TACC2: variants seen among roughly 807,000 people sequenced by gnomAD.
TACC2 encodes transforming acidic coiled-coil-containing protein 2.
In TACC2, 137 loss-of-function variants were observed where a neutral mutation model predicts 227.3. The ratio of observed to expected loss-of-function variants is 0.60; its 90% CI spans 0.52 to 0.69. TACC2 has a LOEUF of 0.69. Among genes scored for constraint, TACC2 ranks in the 30% least tolerant of loss-of-function variants. The pLI is 0.00. For missense variants in TACC2, 3,470 were observed against 3,694.4 expected (o/e 0.94, Z 1.57); for synonymous variants, 1,523 against 1,487.5 (o/e 1.02, Z -0.55).
chr10:122,230,220 G>A, intron 15 of TACC2, 131 bp from the exon 16 acceptor site: 1 of 738,402 alleles, frequency 1.4e-6, no homozygotes, highest in South Asian at 1.5e-5. Context: ...TGAGAGAAAG[G>A]CGGAGCGCGT....
At chr10:122,225,369 C>T (rs1483651457) in intron 12 of TACC2, among the ~76,000 whole-genome samples, 2 of 152,330 alleles carry the variant, frequency 1.3e-5, no homozygotes, top group African/African-American at 4.8e-5. Context: ...TCTTTCTTTG[C>T]ATTAGTCATA....
intron 7 of TACC2, among the ~76,000 whole-genome samples, chr10:122,147,225 A>G (rs374684409): frequency 6.6e-6 from 1 of 151,122 alleles, no homozygotes; most frequent in African/African-American, 2.4e-5. Flanking sequence ...ACTCACTGCA[A>G]CCTCCACCCC....
chr10:122,251,250 A>AC (rs2096249034), intron 22 of TACC2, among the ~76,000 whole-genome samples: 1 of 152,178 alleles, frequency 6.6e-6, no homozygotes, highest in African/African-American at 2.4e-5. Context: ...GATGAAAAAG[A>AC]CAGATGGCTA....
chr10:122,180,205 T>C lies in TACC2; in HGVS notation c.5835-14835T>C, dbSNP rs569002057. 1.2e-4 allele frequency among the ~76,000 whole-genome samples: 18 copies of C among 152,268 alleles called. No homozygotes were observed. The highest frequency in any genetic ancestry group is 4.1e-4 in the African/African-American group (17 of 41,552). Reference sequence around the variant, plus strand: ...GCTTCTTGGGTCTCCTGGCAAACTTTCTCCTCGTTGCCTGCTTTGTTTTCT... The same window carrying C: ...GCTTCTTGGGTCTCCTGGCAAACTTCCTCCTCGTTGCCTGCTTTGTTTTCT... On this transcript the variant is annotated intron_variant, in intron 7 of 22. Transcript: ENST00000369005. The surrounding 1 kb of genome is among the most constrained non-coding windows in gnomAD (Gnocchi z 4.5).
chr10:122,044,572 A>G lies in TACC2; in HGVS notation c.34-5866A>G, dbSNP rs60145321. On this transcript the variant is annotated intron_variant, in intron 2 of 22. Coordinates refer to ENST00000369005, the MANE Select transcript of TACC2 (RefSeq NM_206862.4). The stretch of plus-strand genomic sequence containing the variant: ...TTCAAAGAGGGGGCGACTTAGGCAG[A>G]CACTCTGGTCATGATCTAACCATGT... Among the ~76,000 whole-genome samples, 1,158 of 152,304 alleles carry G rather than the reference A, an allele frequency of 7.6e-3. 13 individuals are homozygous for G. Among genetic ancestry groups the G allele is most frequent in the African/African-American group, 0.026 (1,076 of 41,568 alleles).
chr10:122,164,748 A>G (rs2093049050), intron 7 of TACC2, among the ~76,000 whole-genome samples: 1 of 152,196 alleles, frequency 6.6e-6, no homozygotes, highest in South Asian at 2.1e-4. Context: ...GTCGCATTTC[A>G]GCAACTCAGG....
intron 7 of TACC2, among the ~76,000 whole-genome samples, chr10:122,178,162 C>T (rs2093809602): frequency 6.6e-6 from 1 of 151,912 alleles, no homozygotes; most frequent in South Asian, 2.1e-4. Flanking sequence ...ATAGCACCTT[C>T]TTGCTGTGTC....
chr10:122,062,981 G>A (rs2077001354), intron 3 of TACC2, among the ~76,000 whole-genome samples: 1 of 152,140 alleles, frequency 6.6e-6, no homozygotes, highest in African/African-American at 2.4e-5. Context: ...CTTGTTCTAG[G>A]TCACACAGAC....
chr10:122,097,662 C>T (rs921916311), intron 5 of TACC2, among the ~76,000 whole-genome samples: 2 of 152,014 alleles, frequency 1.3e-5, no homozygotes, highest in Admixed American at 1.3e-4. Context: ...TCCTGGCTCC[C>T]ACTGGAGGGG....
chr10:122,016,104 A>G (rs115049224), intron 1 of TACC2, among the ~76,000 whole-genome samples: 2,793 of 150,602 alleles, frequency 0.019, 89 homozygotes, highest in African/African-American at 0.064. Context: ...CTACAAAAAA[A>G]TACTAAGAGT....
At chr10:122,113,829 G>C (rs1209725118) in intron 5 of TACC2, among the ~76,000 whole-genome samples, 1 of 152,150 alleles carries the variant, frequency 6.6e-6, no homozygotes, top group Admixed American at 6.5e-5. Context: ...CCGCCCGAGC[G>C]TCCCCTCCGC....
chr10:122,190,395 T>G (rs921283668), intron 7 of TACC2, among the ~76,000 whole-genome samples: 1 of 152,188 alleles, frequency 6.6e-6, no homozygotes, highest in African/African-American at 2.4e-5. Context: ...CCGACTGTGC[T>G]CTGTGGGACT....
At chr10:122,023,820 G>T (rs1227940093) in intron 2 of TACC2, 1 of 19,828 alleles carries the variant, frequency 5.0e-5, no homozygotes, top group East Asian at 1.7e-3. Flanking sequence ...AAATCCTGAG[G>T]GGGGGGAAAA....
intron 1 of TACC2, among the ~76,000 whole-genome samples, chr10:122,021,391 A>C (rs1957329100): frequency 6.6e-6 from 1 of 152,184 alleles, no homozygotes; most frequent in Non-Finnish European, 1.5e-5. Flanking sequence ...GCCTTGATAA[A>C]AAGTGTGTGC....
At position 122,050,141 on chromosome 10, in the gene TACC2, C is replaced by T. The variant is rs564646066; in HGVS notation, c.34-297C>T. 2.8e-4 allele frequency among the ~76,000 whole-genome samples: 43 copies of T among 152,320 alleles called. No homozygotes were observed. Among genetic ancestry groups the T allele is most frequent in the Non-Finnish European group, 3.2e-4 (22 of 68,028 alleles). On this transcript the variant is annotated intron_variant, in intron 2 of 22. Coordinates refer to ENST00000369005, the MANE Select transcript of TACC2 (RefSeq NM_206862.4). The surrounding 1 kb of genome is among the most constrained non-coding windows in gnomAD (Gnocchi z 4.6). ...TCCACTTCTCCTAGGGAGCAAGTGA[C>T]CCCAAAGTGTGGTAGGTGTCCCCAG...
intron 5 of TACC2, among the ~76,000 whole-genome samples, chr10:122,094,924 CT>C (rs972885355): frequency 6.6e-6 from 1 of 152,152 alleles, no homozygotes; most frequent in African/African-American, 2.4e-5. Flanking sequence ...TGTGTTTGAC[CT>C]GGGTTTGGGT....
chr10:122,221,931 G>C (rs2095531170), intron 11 of TACC2, among the ~76,000 whole-genome samples: 1 of 152,168 alleles, frequency 6.6e-6, no homozygotes, highest in African/African-American at 2.4e-5. Flanking sequence ...CAAGCCCCCA[G>C]CAATTAGAGA....
intron 2 of TACC2, chr10:122,033,212 A>G (rs1959180990): frequency 9.5e-6 from 11 of 1,159,738 alleles, no homozygotes; most frequent in African/African-American, 1.6e-5. Context: ...TAACGTCTAG[A>G]TGGTTGCAAA....
chr10:122,099,039 C>G (rs2081830696), intron 5 of TACC2, among the ~76,000 whole-genome samples: 1 of 152,196 alleles, frequency 6.6e-6, no homozygotes, highest in African/African-American at 2.4e-5. Context: ...GGGAGTACGC[C>G]TGTGTGGTGA....
Sources: allele counts gnomAD v4.1 joint callset (sites outside exome capture counted in the v4.1 genomes callset), GRCh38; gene constraint gnomAD v4.1.1; non-coding constraint Gnocchi (gnomAD v3.1); transcripts MANE v1.5; gene names NCBI Gene and HGNC (gene_info 2026-07-23, HGNC 2026-07-21).